CTNNA2: variants seen among roughly 807,000 people sequenced by gnomAD.
CTNNA2 encodes the protein catenin alpha-2.
Under a neutral mutation model 101.0 loss-of-function variants are expected in CTNNA2, and 42 were observed. That is an observed-to-expected ratio of 0.42 (90% CI 0.32 to 0.54). The LOEUF is 0.54. Among genes scored for constraint, CTNNA2 ranks in the 20% least tolerant of loss-of-function variants. The pLI is 0.14. For synonymous variants in CTNNA2, 450 were observed against 456.4 expected (o/e 0.99, Z 0.18); for missense variants, 871 against 1,223.1 (o/e 0.71, Z 4.29).
At chr2:79,498,867 T>C (rs977536212) in intron 4 of CTNNA2, 11 of 152,212 alleles carry the variant, frequency 7.2e-5, no homozygotes, top group Non-Finnish European at 8.8e-5. Context: ...CATTAGTGTA[T>C]TTGAAATAAT....
At chr2:79,767,755 C>T (rs370515871) in intron 3 of CTNNA2, among the ~76,000 whole-genome samples, 1 of 151,908 alleles carries the variant, frequency 6.6e-6, no homozygotes, top group East Asian at 2.0e-4. Flanking sequence ...GGAACGGGCA[C>T]CTCATGACTC....
intron 7 of CTNNA2, among the ~76,000 whole-genome samples, chr2:79,958,770 A>T (rs1381315078): frequency 7.2e-6 from 1 of 138,414 alleles, no homozygotes; most frequent in Non-Finnish European, 1.7e-5. Flanking sequence ...TGAAACATTG[A>T]TCTCATTTTT....
chr2:79,688,101 G>T (rs1326877451), intron 2 of CTNNA2, among the ~76,000 whole-genome samples: 1 of 152,088 alleles, frequency 6.6e-6, no homozygotes, highest in Non-Finnish European at 1.5e-5. Flanking sequence ...TCCAAATAGA[G>T]AATTTAATTT....
At chr2:79,201,128 C>A (rs1674029338) in intron 2 of CTNNA2, among the ~76,000 whole-genome samples, 2 of 151,840 alleles carry the variant, frequency 1.3e-5, no homozygotes, top group Admixed American at 1.3e-4. Context: ...ACATCAGAGG[C>A]TTTGTTCCCC....
chr2:79,930,242 CAAAGAAAGAAAGAAAG>C (rs141730925), intron 7 of CTNNA2, among the ~76,000 whole-genome samples: 14,240 of 82,258 alleles, frequency 0.17, 1,334 homozygotes, highest in East Asian at 0.38. Flanking sequence ...GACTCTGTCT[CAAAGAAAGAAAGAAAG>C]AAAGAAAGAA....
At chr2:79,258,878 C>T (rs994780951) in intron 2 of CTNNA2, among the ~76,000 whole-genome samples, 1 of 133,004 alleles carries the variant, frequency 7.5e-6, no homozygotes, top group African/African-American at 2.8e-5. Flanking sequence ...AAAAGGCAAA[C>T]GAATCTGATT....
At position 79,706,096 on chromosome 2, in the gene CTNNA2, GGCTTATACCT is replaced by G. The variant is rs1685341434; in HGVS notation, c.103-38289_103-38280del. On this transcript the variant is annotated intron_variant, in intron 2 of 18. Coordinates refer to ENST00000402739, the MANE Select transcript of CTNNA2 (RefSeq NM_001282597.3). ...TTAGCATGTGTGGGCCAGGTGCGGT[GGCTTATACCT>G]GTAATCCCAGCACTCTGGGAGGCCG... Among the ~76,000 whole-genome samples, 8 of 152,106 alleles carry G rather than the reference GGCTTATACCT, an allele frequency of 5.3e-5. No homozygotes were observed. In the South Asian group the frequency reaches 1.7e-3, roughly 32 times the overall value.
intron 7 of CTNNA2, among the ~76,000 whole-genome samples, chr2:80,061,085 C>T (rs752676698): frequency 2.3e-4 from 35 of 152,190 alleles, no homozygotes; most frequent in South Asian, 8.3e-4. Context: ...GCAATCAAAG[C>T]GTCCTCCCCA....
In CTNNA2 at chr2:80,494,917, G is replaced by A. The variant is rs148463320; in HGVS notation, c.1291-50065G>A. Reference sequence around the variant, plus strand: ...CCAAGGAGTCAGAATCAGATATGGCGTAATTTTCCATTGAATTCCCAAATT... The same window carrying A: ...CCAAGGAGTCAGAATCAGATATGGCATAATTTTCCATTGAATTCCCAAATT... On this transcript the variant is annotated intron_variant, in intron 9 of 18. Transcript: ENST00000402739. Among the ~76,000 whole-genome samples the A allele has an allele frequency of 2.9e-4, 44 of 152,244 alleles. No individual in the cohort carries two copies. The East Asian group carries it at 5.6e-3, about 19-fold the overall frequency.
chr2:80,332,970 T>C (rs902184794), intron 7 of CTNNA2, among the ~76,000 whole-genome samples: 1 of 152,224 alleles, frequency 6.6e-6, no homozygotes, highest in Non-Finnish European at 1.5e-5. Flanking sequence ...ATTTGAAAAT[T>C]ATATAAAATT....
At chr2:80,606,408 A>ACC (rs1478904110) in intron 16 of CTNNA2, among the ~76,000 whole-genome samples, 5 of 116,180 alleles carry the variant, frequency 4.3e-5, no homozygotes, top group South Asian at 4.9e-4. Flanking sequence ...ACACACACAC[A>ACC]CACACCCCCC....
At chr2:79,338,575 A>ATCCTCTTCTTCTTCTTCT (rs1239699778) in intron 3 of CTNNA2, among the ~76,000 whole-genome samples, 1 of 115,422 alleles carries the variant, frequency 8.7e-6, no homozygotes, top group Non-Finnish European at 1.8e-5. Flanking sequence ...CTTCCTCCTC[A>ATCCTCTTCTTCTTCTTCT]TCATCTTCTT....
chr2:80,217,740 A>C (rs779792078), intron 7 of CTNNA2, among the ~76,000 whole-genome samples: 1 of 152,222 alleles, frequency 6.6e-6, no homozygotes, highest in Non-Finnish European at 1.5e-5. Context: ...CCCCAAAGTG[A>C]AATGCAGAAC....
At position 80,647,872 on chromosome 2, in the gene CTNNA2, G is replaced by A; in HGVS notation, c.2862G>A (p.Ter954=). Residue 954 remains the stop codon, a stop_retained_variant, in exon 19 of 19, where the codon TAG becomes TAA. Coordinates refer to ENST00000402739, the MANE Select transcript of CTNNA2 (RefSeq NM_001282597.3). The stretch of plus-strand genomic sequence containing the variant: ...AATTCAAAGCAATGGATTCCTTCTA[G>A]GACGATAGGTTTTAACAAGAAAGCT... The part of the protein sequence containing the change: ...LSEFKAMDSF[*] The A allele has an allele frequency of 6.4e-7, 1 of 1,569,278 alleles. No homozygotes were observed. The highest frequency in any genetic ancestry group is 8.6e-7 in the Non-Finnish European group (1 of 1,158,376).
chr2:79,516,262 A>G (rs1240900531), intron 1 of CTNNA2, among the ~76,000 whole-genome samples: 1 of 152,240 alleles, frequency 6.6e-6, no homozygotes, highest in Non-Finnish European at 1.5e-5. Context: ...AGTAAACATT[A>G]TTATAATTAG....
chr2:79,453,227 T>G (rs1211283586), intron 4 of CTNNA2, among the ~76,000 whole-genome samples: 1 of 152,176 alleles, frequency 6.6e-6, no homozygotes, highest in Non-Finnish European at 1.5e-5. Context: ...AGCATATTCC[T>G]GCACATTACT....
At chr2:79,573,205 A>G (rs990084338) in intron 1 of CTNNA2, among the ~76,000 whole-genome samples, 3 of 152,192 alleles carry the variant, frequency 2.0e-5, no homozygotes, top group Admixed American at 6.5e-5. Context: ...AATCTGTGTA[A>G]AGCAAGAGAA....
At chr2:80,647,555 C>T in intron 18 of CTNNA2, 30 bp from the exon 19 acceptor site, 2 of 1,559,148 alleles carry the variant, frequency 1.3e-6, no homozygotes, top group Non-Finnish European at 1.7e-6. Flanking sequence ...TCCATTAACC[C>T]ACATGTATCT....
intron 7 of CTNNA2, among the ~76,000 whole-genome samples, chr2:80,148,851 C>T (rs1254149185): frequency 6.6e-6 from 1 of 152,130 alleles, no homozygotes; most frequent in Admixed American, 6.5e-5. Context: ...CCTAAATCAA[C>T]TTCAGGCTGC....
Sources: allele counts gnomAD v4.1 joint callset (sites outside exome capture counted in the v4.1 genomes callset), GRCh38; gene constraint gnomAD v4.1.1; transcripts MANE v1.5; gene names NCBI Gene and HGNC (gene_info 2026-07-23, HGNC 2026-07-21).